The following MICAL2 variants were observed in gnomAD, a reference collection of about 807,000 sequenced individuals.
MICAL2 encodes microtubule associated monooxygenase, calponin and LIM domain containing 2.
MICAL2 carries 77 observed loss-of-function variants against 127.3 expected under a neutral mutation model. That is an observed-to-expected ratio of 0.60 (90% CI 0.50 to 0.73). The LOEUF (loss-of-function observed/expected upper bound fraction) is 0.73, where lower values mean the gene tolerates loss of function less well. Ranked by LOEUF, MICAL2 falls within the 30% of genes least tolerant of loss-of-function variation. The pLI is 0.00. For missense variants in MICAL2, 1,351 were observed against 1,434.4 expected, an observed-to-expected ratio of 0.94 and a Z score of 0.94; for synonymous variants, 570 against 551.1, an observed-to-expected ratio of 1.03 and a Z score of -0.48.
intron 11 of MICAL2, 94 bp from the exon 12 acceptor site, chr11:12,223,317 G>A: frequency 9.4e-7 from 1 of 1,063,638 alleles, no homozygotes; most frequent in Non-Finnish European, 1.4e-6. Context: ...GAAAATGGTG[G>A]CAGGCACTGA....
chr11:12,276,384 T>C (rs1863722503), intron 1 of MICAL2: 2 of 383,362 alleles, frequency 5.2e-6, no homozygotes, highest in Admixed American at 4.5e-5. Context: ...TGCCCACACG[T>C]CATAAGCACT....
rs1854875874 is a variant in MICAL2 at position 12,162,066 on chromosome 11, C to T, written c.-77-13C>T. 4.5e-6 allele frequency: 7 copies of T among 1,570,428 alleles called. No homozygotes were observed. In the South Asian group the frequency reaches 8.3e-5, roughly 19 times the overall value. Reference sequence around the variant, plus strand: ...CGTCCAAAGCTGACCTCTGCCTCCCCCTACTTTCACAGGTGTGACGTTTCT... The same window carrying T: ...CGTCCAAAGCTGACCTCTGCCTCCCTCTACTTTCACAGGTGTGACGTTTCT... On this transcript the variant is annotated splice_polypyrimidine_tract_variant and intron_variant, in intron 2 of 27. Transcript: ENST00000683283.
chr11:12,291,215 G>A (rs572597314), downstream of MICAL2, among the ~76,000 whole-genome samples: 508 of 152,214 alleles, frequency 3.3e-3, 1 homozygote, highest in Non-Finnish European at 5.6e-3. Context: ...AAAAGAGCAT[G>A]GCATTTTACT....
At chr11:12,290,205 T>G (rs1297217340), downstream of MICAL2, among the ~76,000 whole-genome samples, 1 of 151,770 alleles carries the variant, frequency 6.6e-6, no homozygotes, top group Non-Finnish European at 1.5e-5. Context: ...CCTGCTGGAG[T>G]TCCATCTTGA....
At chr11:12,221,164 A>G (rs1443398022) in intron 9 of MICAL2, among the ~76,000 whole-genome samples, 1 of 151,138 alleles carries the variant, frequency 6.6e-6, no homozygotes, top group Non-Finnish European at 1.5e-5. Flanking sequence ...TCTGGCCCAG[A>G]CTCCTTTCCC....
intron 32 of MICAL2, among the ~76,000 whole-genome samples, chr11:12,342,398 T>C: frequency 6.6e-6 from 1 of 152,100 alleles, no homozygotes; most frequent in East Asian, 1.9e-4. Flanking sequence ...TTCATTTACA[T>C]GAGGCCAAAA....
At chr11:12,242,596 C>T in intron 19 of MICAL2, 75 bp from the exon 20 acceptor site, 4 of 1,484,542 alleles carry the variant, frequency 2.7e-6, no homozygotes, top group African/African-American at 1.4e-5. Context: ...CTCCCTCACC[C>T]ACTTCTTGGA....
At chr11:12,158,792 A>G (rs1854467635) in intron 2 of MICAL2, among the ~76,000 whole-genome samples, 2 of 152,216 alleles carry the variant, frequency 1.3e-5, no homozygotes, top group South Asian at 2.1e-4. Context: ...TATTTCACGC[A>G]TGAGAAAACT....
chr11:12,147,225 A>G (rs1411752623), intron 2 of MICAL2, among the ~76,000 whole-genome samples: 3 of 150,516 alleles, frequency 2.0e-5, no homozygotes, highest in African/African-American at 7.3e-5. Flanking sequence ...TAAAAAAAAG[A>G]AAGCAAAAGA....
intron 2 of MICAL2, among the ~76,000 whole-genome samples, chr11:12,153,941 C>T (rs914284141): frequency 5.3e-5 from 8 of 152,174 alleles, no homozygotes; most frequent in Non-Finnish European, 7.3e-5. Flanking sequence ...GTAAGATGTA[C>T]GTTACTTTGT....
chr11:12,145,170 C>T (rs1369278452), intron 2 of MICAL2, among the ~76,000 whole-genome samples: 1 of 152,134 alleles, frequency 6.6e-6, no homozygotes, highest in Non-Finnish European at 1.5e-5. Context: ...ACATGGTAAT[C>T]AGTGTTGAAT....
rs748123041 is a variant in MICAL2 at position 12,259,980 on chromosome 11, C to G, written c.3334+83C>G. ...ACCTGTGTAACTGGATGCAGGGACTCCTGCAAGCTGCTGGCCTCCATATCA... is the reference window on the plus strand; with the variant it reads ...ACCTGTGTAACTGGATGCAGGGACTGCTGCAAGCTGCTGGCCTCCATATCA... On this transcript the variant is annotated intron_variant, in intron 26 of 27. Transcript: ENST00000683283. 5 of 1,566,646 alleles carry G rather than the reference C, an allele frequency of 3.2e-6. No homozygotes were observed. In the Admixed American group the frequency reaches 5.7e-5, roughly 18 times the overall value.
chr11:12,223,334 G>A (rs1857043143), intron 11 of MICAL2, 77 bp from the exon 12 acceptor site: 2 of 1,275,690 alleles, frequency 1.6e-6, no homozygotes, highest in African/African-American at 1.5e-5. Context: ...CTGAATTGGG[G>A]GTGGGTCGAG....
intron 32 of MICAL2, among the ~76,000 whole-genome samples, chr11:12,335,659 G>C (rs1422313424): frequency 1.3e-5 from 2 of 152,124 alleles, no homozygotes; most frequent in Non-Finnish European, 2.9e-5. Context: ...TCCAGTTTCA[G>C]CTTTCTACAT....
chr11:12,213,541 G>T lies in MICAL2; in HGVS notation c.847+131G>T, dbSNP rs1855785764. On this transcript the variant is annotated intron_variant, in intron 7 of 27. Coordinates refer to ENST00000683283, the MANE Select transcript of MICAL2 (RefSeq NM_001282663.2). ...CTCACTCTGATAGAGTGGAAGCAAT[G>T]ATTTTCCCTAGGATAGTGAATACAG... 5 of 858,630 alleles carry T rather than the reference G, an allele frequency of 5.8e-6. No homozygotes were observed. The East Asian group carries it at 1.3e-4, about 22-fold the overall frequency. The allele number at this position is 858,630 out of a possible 1,614,324, so 53.2% of individuals were successfully genotyped here.
rs555531504 is a variant in MICAL2, at chr11:12,224,384, A to G, written c.1541-289A>G. ...TGTCATCATCACCCCCTCTGTGACT[A>G]TCTTCCCCACTAGATGAGCATGTTG... On this transcript the variant is annotated intron_variant, in intron 12 of 27. Transcript: ENST00000683283. The G allele has an allele frequency of 1.1e-5, 4 of 358,906 alleles. No individual in the cohort carries two copies. In the East Asian group the frequency reaches 1.8e-4, roughly 16 times the overall value. 22.2% of individuals were successfully genotyped at this position (358,906 alleles called of 1,614,324 possible).
intron 32 of MICAL2, among the ~76,000 whole-genome samples, chr11:12,339,206 T>G (rs1938817645): frequency 6.6e-6 from 1 of 152,234 alleles, no homozygotes; most frequent in Admixed American, 6.5e-5. Context: ...CATTTCATCT[T>G]TCATCGCTGA....
chr11:12,281,026 G>A lies in MICAL2; in HGVS notation c.183G>A (p.Pro61=), dbSNP rs945332687. 2.5e-5 allele frequency: 10 copies of A among 399,028 alleles called. 1 individual carries two copies. The highest frequency in any genetic ancestry group is 1.2e-3 in the Middle Eastern group (2 of 1,610). 24.7% of individuals were successfully genotyped at this position (399,028 alleles called of 1,614,324 possible). ...GGCGGCCAGGATCCCCGCATCTACCGCACACGTCCCTAGGGGAGGCCCTGA... is the reference window on the plus strand; with the variant it reads ...GGCGGCCAGGATCCCCGCATCTACCACACACGTCCCTAGGGGAGGCCCTGA... Residue 61 remains proline (P), a synonymous_variant, in exon 2 of 3, where the codon CCG becomes CCA. Transcript: ENST00000529028.
chr11:12,304,665 C>CAT (rs1864088235), intron 29 of MICAL2, among the ~76,000 whole-genome samples: 2 of 151,008 alleles, frequency 1.3e-5, no homozygotes, highest in Admixed American at 6.6e-5. Flanking sequence ...CACACACACA[C>CAT]ACACACACAC....
Sources: gnomAD v4.1 joint callset for allele counts (sites outside exome capture counted in the v4.1 genomes callset) on GRCh38, gnomAD v4.1.1 for gene constraint, MANE v1.5 for transcripts, NCBI Gene and HGNC (gene_info 2026-07-23, HGNC 2026-07-21) for gene names.